NTM: variants seen among roughly 807,000 people sequenced by gnomAD.
The protein encoded by NTM is neurotrimin, also known as IgLON family member 2.
Under a neutral mutation model 42.1 loss-of-function variants are expected in NTM, and 13 were observed. The ratio of observed to expected loss-of-function variants is 0.31; its 90% confidence interval spans 0.20 to 0.49. The LOEUF (loss-of-function observed/expected upper bound fraction) is 0.49, where lower values mean the gene tolerates loss of function less well. Ranked by LOEUF, NTM falls within the 20% of genes least tolerant of loss-of-function variation. The pLI, the probability that NTM is intolerant of heterozygous loss-of-function variation, is 0.99. For synonymous variants in NTM, 187 were observed against 179.2 expected (o/e 1.04, Z -0.35); for missense variants, 373 against 452.8 (o/e 0.82, Z 1.60).
intron 2 of NTM, among the ~76,000 whole-genome samples, chr11:132,121,218 T>G (rs183496972): frequency 5.9e-5 from 9 of 152,276 alleles, no homozygotes; most frequent in Non-Finnish European, 1.3e-4. Flanking sequence ...CTATAAGCCC[T>G]TCTTCCCTGG....
intron 1 of NTM, among the ~76,000 whole-genome samples, chr11:131,403,317 T>G (rs1404918964): frequency 1.3e-5 from 2 of 152,156 alleles, no homozygotes; most frequent in Admixed American, 6.5e-5. Context: ...TTTCACTCCA[T>G]TCCTATTTTC....
chr11:131,959,205 C>T (rs1255212506), intron 2 of NTM, among the ~76,000 whole-genome samples: 2 of 152,192 alleles, frequency 1.3e-5, no homozygotes, highest in African/African-American at 2.4e-5. Flanking sequence ...GGGCTGCCCG[C>T]AGATTTGCCC....
chr11:131,402,166 A>G (rs1024673007), intron 1 of NTM, among the ~76,000 whole-genome samples: 3 of 151,792 alleles, frequency 2.0e-5, no homozygotes, highest in African/African-American at 7.3e-5. Context: ...CATAGATTAT[A>G]TTCCAAAAAT....
intron 2 of NTM, among the ~76,000 whole-genome samples, chr11:132,023,066 AC>A: frequency 6.6e-6 from 1 of 152,308 alleles, no homozygotes; most frequent in African/African-American, 2.4e-5. Context: ...TATAGAGAAT[AC>A]AAGGAGGACC....
At chr11:131,554,287 C>A (rs777181048) in intron 1 of NTM, among the ~76,000 whole-genome samples, 1 of 152,180 alleles carries the variant, frequency 6.6e-6, no homozygotes, top group Non-Finnish European at 1.5e-5. Flanking sequence ...ATTGAACAAG[C>A]TGAATGAAGA....
chr11:131,500,589 T>A lies in NTM; in HGVS notation c.82+129701T>A, dbSNP rs1434758097. On this transcript the variant is annotated intron_variant, in intron 1 of 8. Coordinates refer to ENST00000683400, the MANE Select transcript of NTM (RefSeq NM_001352005.2). Reference sequence around the variant, plus strand: ...TATATATATATATATTTTTTTTTTTTTTTTTTGTATTATACTTTAAGTTCT... The same window carrying A: ...TATATATATATATATTTTTTTTTTTATTTTTTGTATTATACTTTAAGTTCT... Among the ~76,000 whole-genome samples, 334 of 126,916 alleles carry A rather than the reference T, an allele frequency of 2.6e-3. 2 individuals carry two copies. Among genetic ancestry groups the A allele is most frequent in the African/African-American group, 7.6e-3 (251 of 32,906 alleles). 83.3% of individuals were successfully genotyped at this position (126,916 alleles called of 152,430 possible).
intron 2 of NTM, among the ~76,000 whole-genome samples, chr11:132,070,151 G>A (rs1439470948): frequency 2.6e-4 from 35 of 135,436 alleles, no homozygotes; most frequent in African/African-American, 4.3e-4. Context: ...AAGTTAACAC[G>A]TCAAACTGAC....
At chr11:132,263,250 G>A (rs2334904) in intron 4 of NTM, among the ~76,000 whole-genome samples, 31,990 of 152,160 alleles carry the variant, frequency 0.21, 4,342 homozygotes, top group East Asian at 0.62. Context: ...AACTGAGGTG[G>A]TGCTCCCCTG....
chr11:131,787,735 G>T (rs2089507667), intron 1 of NTM, among the ~76,000 whole-genome samples: 1 of 152,106 alleles, frequency 6.6e-6, no homozygotes, highest in Admixed American at 6.5e-5. Flanking sequence ...TATGCCATGG[G>T]ATAGTTTAAA....
At chr11:131,626,800 CTCTGCTTCTTAATGT>C (rs2137720512) in intron 1 of NTM, among the ~76,000 whole-genome samples, 1 of 152,330 alleles carries the variant, frequency 6.6e-6, no homozygotes, top group Non-Finnish European at 1.5e-5. Flanking sequence ...GATTGCCATC[CTCTGCTTCTTAATGT>C]GCCAAGAAAG....
intron 2 of NTM, among the ~76,000 whole-genome samples, chr11:132,040,609 TCTC>T (rs756097247): frequency 5.9e-5 from 9 of 152,324 alleles, no homozygotes; most frequent in Admixed American, 1.3e-4. Context: ...CTGTGATCCT[TCTC>T]CTTATGCTAA....
At chr11:132,199,646 C>T (rs1461330226) in intron 3 of NTM, among the ~76,000 whole-genome samples, 1 of 152,106 alleles carries the variant, frequency 6.6e-6, no homozygotes, top group African/African-American at 2.4e-5. Flanking sequence ...TCCTGATGGG[C>T]CTGCTTTCTC....
intron 1 of NTM, among the ~76,000 whole-genome samples, chr11:131,513,199 A>C: frequency 6.6e-6 from 1 of 152,234 alleles, no homozygotes; most frequent in Non-Finnish European, 1.5e-5. Context: ...GTGCAAAGTG[A>C]GATCAATTCT....
chr11:131,897,506 C>G (rs545880907), intron 1 of NTM, among the ~76,000 whole-genome samples: 1 of 152,338 alleles, frequency 6.6e-6, no homozygotes, highest in African/African-American at 2.4e-5. Flanking sequence ...TGCAAAGACA[C>G]AGCACAGGTC....
At chr11:132,274,412 A>AT (rs1359535318) in intron 4 of NTM, among the ~76,000 whole-genome samples, 2 of 151,866 alleles carry the variant, frequency 1.3e-5, no homozygotes, top group Non-Finnish European at 2.9e-5. Context: ...GGTTTTTGTT[A>AT]TTTTTTAAAG....
intron 3 of NTM, among the ~76,000 whole-genome samples, chr11:132,197,773 T>C (rs1417009261): frequency 6.6e-6 from 1 of 151,762 alleles, no homozygotes; most frequent in African/African-American, 2.4e-5. Flanking sequence ...CTTGTGATAG[T>C]TTGCTGAGAA....
At chr11:131,452,022 C>T (rs1298726122) in intron 1 of NTM, among the ~76,000 whole-genome samples, 1 of 152,200 alleles carries the variant, frequency 6.6e-6, no homozygotes, top group Admixed American at 6.5e-5. Context: ...GGCTGCCGCC[C>T]CCTTCCCTGC....
intron 1 of NTM, among the ~76,000 whole-genome samples, chr11:131,568,448 G>C (rs779488444): frequency 5.1e-4 from 78 of 152,200 alleles, no homozygotes; most frequent in Non-Finnish European, 1.1e-3. Context: ...CAAATGCCAG[G>C]AGTTAGATTC....
chr11:131,694,899 C>G (rs992787511), intron 1 of NTM, among the ~76,000 whole-genome samples: 1 of 152,142 alleles, frequency 6.6e-6, no homozygotes, highest in Non-Finnish European at 1.5e-5. Context: ...ACTGCCTGCC[C>G]TTGGGACTCG....
Sources: gnomAD v4.1 joint callset for allele counts (sites outside exome capture counted in the v4.1 genomes callset) on GRCh38, gnomAD v4.1.1 for gene constraint, MANE v1.5 for transcripts, NCBI Gene and HGNC (gene_info 2026-07-23, HGNC 2026-07-21) for gene names.